CARD8: variants seen among roughly 807,000 people sequenced by gnomAD.
CARD8 encodes the protein caspase recruitment domain family member 8.
In CARD8, 38 loss-of-function variants were observed where a neutral mutation model predicts 53.2. The ratio of observed to expected loss-of-function variants is 0.71; its 90% CI spans 0.55 to 0.94. The LOEUF is 0.94. CARD8 is among the 40% of genes least tolerant of loss of function. CARD8 has a pLI of 0.00. For missense variants in CARD8, 561 were observed against 655.5 expected (o/e 0.86, Z 1.57); for synonymous variants, 245 against 244.9 (o/e 1.00, Z 0.00).
chr19:48,219,099 C>G, intron 11 of CARD8, 87 bp from the exon 12 acceptor site: 1 of 1,252,700 alleles, frequency 8.0e-7, no homozygotes, highest in South Asian at 1.3e-5. Flanking sequence ...GAACTTAACC[C>G]GTTTCCTGTG....
rs543378885 is a variant in CARD8 at position 48,219,711 on chromosome 19, C to T, written c.1162-699G>A. 1.4e-4 allele frequency among the ~76,000 whole-genome samples: 21 copies of T among 152,264 alleles called. 1 individual carries two copies. Among genetic ancestry groups the T allele is most frequent in the African/African-American group, 5.1e-4 (21 of 41,536 alleles). On this transcript the variant is annotated intron_variant, in intron 11 of 13. Coordinates refer to ENST00000651546, the MANE Select transcript of CARD8 (RefSeq NM_001184900.3). Reference sequence around the variant, plus strand: ...CTAGGGCGGGCGCGGTGACTCACACCTGTAGTCCCAGCACTTTGGGAGACT... The same window carrying T: ...CTAGGGCGGGCGCGGTGACTCACACTTGTAGTCCCAGCACTTTGGGAGACT...
chr19:48,221,851 A>G lies in CARD8; in HGVS notation c.1040T>C (p.Ile347Thr), dbSNP rs1253812222. ...VPSDALLTKA[I>T]DDEEDRFHGV... The stretch of plus-strand genomic sequence containing the variant: ...ATGGAAGCGATCTTCCTCATCATCT[A>G]TCGCCTAAGGAAGAAGGGGCAGAAA... The change falls in exon 11 of 14, where the codon ATA becomes ACA. Residue 347 changes from isoleucine (I) to threonine (T), a missense_variant. Physicochemically the swap from Ile to Thr is moderately conservative, Grantham distance 89. Transcript: ENST00000651546. 1.3e-6 allele frequency: 2 copies of G among 1,596,748 alleles called. No individual in the cohort carries two copies. The highest frequency in any genetic ancestry group is 2.2e-5 in the East Asian group (1 of 44,684).
At position 48,251,011 on chromosome 19, in the gene CARD8, C is replaced by G. The variant is rs946359906; in HGVS notation, c.-251-1164G>C. ...TAATTGAAGAACTCAAACAGTTATTCGAGACAGCAGGGAGTTAGGTGAGAC... is the reference window on the plus strand; with the variant it reads ...TAATTGAAGAACTCAAACAGTTATTGGAGACAGCAGGGAGTTAGGTGAGAC... On this transcript the variant is annotated intron_variant, in intron 1 of 13. Transcript: ENST00000651546. Among the ~76,000 whole-genome samples, 4 of 152,158 alleles carry G rather than the reference C, an allele frequency of 2.6e-5. No individual in the cohort carries two copies. The South Asian group carries it at 6.2e-4, about 24-fold the overall frequency.
downstream of CARD8, among the ~76,000 whole-genome samples, chr19:48,207,215 C>G (rs1011737130): frequency 1.3e-4 from 19 of 150,788 alleles, no homozygotes; most frequent in Non-Finnish European, 2.1e-4. Flanking sequence ...CTGAATTGGC[C>G]AAATATTTAT....
chr19:48,227,508 GA>G (rs1187412550), intron 10 of CARD8, among the ~76,000 whole-genome samples: 1 of 152,120 alleles, frequency 6.6e-6, no homozygotes, highest in Admixed American at 6.6e-5. Context: ...GAGAGACTCA[GA>G]AAAGTCACGG....
At chr19:48,232,663 CT>C in intron 6 of CARD8, 170 bp from the exon 7 acceptor site, 1 of 699,480 alleles carries the variant, frequency 1.4e-6, no homozygotes, top group South Asian at 1.5e-5. Flanking sequence ...ACTTTAGTTT[CT>C]CAGTTGCACT....
At position 48,215,346 on chromosome 19, in the gene CARD8, A is replaced by G. The variant is rs900517274; in HGVS notation, c.1342T>C (p.Phe448Leu). The change falls in exon 13 of 14, where the codon TTC (phenylalanine) becomes CTC (leucine). Residue 448 changes from phenylalanine to leucine, a missense_variant. Coordinates refer to ENST00000651546, the MANE Select transcript of CARD8 (RefSeq NM_001184900.3). Reference sequence around the variant, plus strand: ...ATGTAAACATTTCACTTACCTGAGAAAGGAGGAGGGGCTGATGCAGCTACA... The same window carrying G: ...ATGTAAACATTTCACTTACCTGAGAGAGGAGGAGGGGCTGATGCAGCTACA... Reference protein sequence around the residue: ...QLVAASAPPPFSGAAFVKENH... With the variant: ...QLVAASAPPPLSGAAFVKENH... 1 of 1,610,322 alleles carries G rather than the reference A, an allele frequency of 6.2e-7. No homozygotes were observed. The highest frequency in any genetic ancestry group is 8.5e-7 in the Non-Finnish European group (1 of 1,176,714).
rs1207829432 is a variant in CARD8, at chr19:48,242,016, AG to A, written c.-43-954del. ...CCCACAGGCACGCACACCCAGCCACAGGCACCCACGCATCCACCTTCTGTCT... is the reference window on the plus strand; with the variant it reads ...CCCACAGGCACGCACACCCAGCCACAGCACCCACGCATCCACCTTCTGTCT... On this transcript the variant is annotated intron_variant, in intron 3 of 13. Transcript: ENST00000651546. Among the ~76,000 whole-genome samples, 7 of 152,278 alleles carry A rather than the reference AG, an allele frequency of 4.6e-5. 1 individual carries two copies. The highest frequency in any genetic ancestry group is 1.7e-4 in the African/African-American group (7 of 41,570).
At chr19:48,223,472 A>G (rs1199261907) in intron 10 of CARD8, among the ~76,000 whole-genome samples, 1 of 152,194 alleles carries the variant, frequency 6.6e-6, no homozygotes, top group Non-Finnish European at 1.5e-5. Context: ...AGGGATGTGG[A>G]GAACTATCCA....
intron 11 of CARD8, among the ~76,000 whole-genome samples, chr19:48,221,047 GAGGA>G (rs144791108): frequency 3.8e-4 from 57 of 150,844 alleles, no homozygotes; most frequent in Admixed American, 1.8e-3. Flanking sequence ...AAAAAAGAAA[GAGGA>G]AGGAAGGAAG....
intron 11 of CARD8, among the ~76,000 whole-genome samples, chr19:48,219,574 G>A (rs1265690668): frequency 2.0e-5 from 3 of 152,108 alleles, no homozygotes; most frequent in African/African-American, 7.2e-5. Context: ...CCCCGACCCA[G>A]CTCTTGGAAA....
At chr19:48,213,160 T>A (rs1471697840) in intron 13 of CARD8, 1 of 152,232 alleles carries the variant, frequency 6.6e-6, no homozygotes, top group African/African-American at 2.4e-5. Flanking sequence ...ACACTCTTGA[T>A]AATTTCACTC....
chr19:48,246,018 G>A (rs1056813181), intron 3 of CARD8, among the ~76,000 whole-genome samples: 51 of 152,068 alleles, frequency 3.4e-4, no homozygotes, highest in African/African-American at 1.2e-3. Context: ...ATCAACATTT[G>A]TCTGAATGTC....
intron 5 of CARD8, among the ~76,000 whole-genome samples, chr19:48,235,596 C>T (rs150665587): frequency 3.9e-5 from 6 of 152,262 alleles, no homozygotes; most frequent in Non-Finnish European, 7.4e-5. Flanking sequence ...AGGTCTCAGG[C>T]TGGTCTTGAA....
intron 10 of CARD8, among the ~76,000 whole-genome samples, chr19:48,229,306 T>C (rs1052947700): frequency 6.6e-6 from 1 of 152,018 alleles, no homozygotes; most frequent in African/African-American, 2.4e-5. Context: ...ATGAAGCAAG[T>C]AAGCATATGA....
chr19:48,230,175 C>T (rs536410004), intron 10 of CARD8, among the ~76,000 whole-genome samples: 22 of 152,224 alleles, frequency 1.4e-4, no homozygotes, highest in African/African-American at 4.8e-4. Context: ...GCTGGTCCCC[C>T]AAAATCACTA....
intron 11 of CARD8, among the ~76,000 whole-genome samples, chr19:48,220,347 C>G (rs2040230871): frequency 6.6e-6 from 1 of 152,102 alleles, no homozygotes; most frequent in Non-Finnish European, 1.5e-5. Flanking sequence ...CTATTTTAGC[C>G]TTAGTGTCCA....
At chr19:48,243,495 T>A (rs958968684) in intron 3 of CARD8, among the ~76,000 whole-genome samples, 2 of 152,192 alleles carry the variant, frequency 1.3e-5, no homozygotes, top group Admixed American at 6.5e-5. Context: ...CATATTTAAT[T>A]TATTCATGTT....
chr19:48,234,228 C>A, intron 6 of CARD8, 175 bp downstream of exon 6: 1 of 611,262 alleles, frequency 1.6e-6, no homozygotes, highest in Non-Finnish European at 2.8e-6. Context: ...TGGAAGAAAA[C>A]CTCATTGCTT....
Sources: gnomAD v4.1 joint callset for allele counts (sites outside exome capture counted in the v4.1 genomes callset) on GRCh38, gnomAD v4.1.1 for gene constraint, MANE v1.5 for transcripts, NCBI Gene and HGNC (gene_info 2026-07-23, HGNC 2026-07-21) for gene names.